Variants in VEZT observed in about 807,000 individuals in gnomAD.
The protein encoded by VEZT is vezatin.
VEZT carries 39 observed loss-of-function variants against 79.9 expected under a neutral mutation model. That is an observed-to-expected ratio of 0.49 (90% CI 0.38 to 0.64). The LOEUF is 0.64. VEZT is among the 30% of genes least tolerant of loss of function. VEZT has a pLI of 0.00. For synonymous variants in VEZT, 325 were observed against 327.6 expected (o/e 0.99, Z 0.09); for missense variants, 837 against 893.1 (o/e 0.94, Z 0.80).
intron 1 of VEZT, chr12:95,244,035 G>T (rs1303728860): frequency 4.4e-6 from 2 of 455,148 alleles, no homozygotes; most frequent in East Asian, 1.4e-4. Context: ...TATAAAATAT[G>T]CAGTGTCAAG....
chr12:95,249,538 A>G (rs182630627), intron 1 of VEZT, among the ~76,000 whole-genome samples: 1 of 152,332 alleles, frequency 6.6e-6, no homozygotes, highest in East Asian at 1.9e-4. Flanking sequence ...TATTTTTCTT[A>G]AAAAAAGAGA....
chr12:95,298,360 A>G (rs1250804167), intron 11 of VEZT, among the ~76,000 whole-genome samples: 1 of 152,128 alleles, frequency 6.6e-6, no homozygotes, highest in Admixed American at 6.5e-5. Flanking sequence ...GAAATGATTA[A>G]CAGATTGATT....
At chr12:95,295,026 ACTAT>A (rs1175808990) in intron 10 of VEZT, among the ~76,000 whole-genome samples, 1 of 152,214 alleles carries the variant, frequency 6.6e-6, no homozygotes, top group Non-Finnish European at 1.5e-5. Flanking sequence ...TTGCAATGGA[ACTAT>A]CATTGCTAAG....
intron 1 of VEZT, among the ~76,000 whole-genome samples, chr12:95,246,407 G>T (rs1301905583): frequency 1.3e-5 from 2 of 152,222 alleles, no homozygotes; most frequent in East Asian, 3.9e-4. Context: ...ACAGGCGTGA[G>T]CCACCGCACC....
At chr12:95,270,559 C>T (rs952836572) in intron 6 of VEZT, among the ~76,000 whole-genome samples, 2 of 152,122 alleles carry the variant, frequency 1.3e-5, no homozygotes, top group Non-Finnish European at 2.9e-5. Flanking sequence ...GAAATCCTTC[C>T]CTTTTCAAAA....
chr12:95,267,422 T>C (rs946599347), intron 5 of VEZT, among the ~76,000 whole-genome samples: 5 of 152,224 alleles, frequency 3.3e-5, no homozygotes, highest in African/African-American at 1.2e-4. Context: ...ATATAACCTA[T>C]ATAACTTTTG....
At chr12:95,258,765 C>G (rs2138194631) in intron 3 of VEZT, among the ~76,000 whole-genome samples, 1 of 152,236 alleles carries the variant, frequency 6.6e-6, no homozygotes, top group South Asian at 2.1e-4. Context: ...AAAGTGCTTT[C>G]ACACGTGTTA....
intron 9 of VEZT, among the ~76,000 whole-genome samples, chr12:95,293,065 T>A (rs1262640182): frequency 6.6e-6 from 1 of 152,082 alleles, no homozygotes; most frequent in African/African-American, 2.4e-5. Context: ...TTGGTCAGGC[T>A]GGTCTCAAAC....
intron 9 of VEZT, chr12:95,293,991 C>T (rs1019208644): frequency 7.1e-5 from 24 of 335,698 alleles, no homozygotes; most frequent in African/African-American, 3.9e-4. Flanking sequence ...CCAGCTCAAG[C>T]GATCCTTCCA....
intron 4 of VEZT, among the ~76,000 whole-genome samples, chr12:95,266,134 C>T (rs1477097467): frequency 6.6e-6 from 1 of 152,146 alleles, no homozygotes; most frequent in African/African-American, 2.4e-5. Context: ...TTTATCAGCT[C>T]AGATGTTAAT....
chr12:95,233,751 C>T (rs1435029405), intron 1 of VEZT, among the ~76,000 whole-genome samples: 1 of 152,042 alleles, frequency 6.6e-6, no homozygotes, highest in Non-Finnish European at 1.5e-5. Flanking sequence ...TTACATTCAT[C>T]TATATGTGTA....
At chr12:95,279,835 T>TAATCCTCCCACCC (rs2139177583) in intron 7 of VEZT, among the ~76,000 whole-genome samples, 1 of 78,240 alleles carries the variant, frequency 1.3e-5, no homozygotes, top group East Asian at 3.6e-4. Context: ...TGGCCTCAAG[T>TAATCCTCCCACCC]GAGCCTCCCA....
At chr12:95,272,002 T>TAA (rs549480441) in intron 6 of VEZT, among the ~76,000 whole-genome samples, 2 of 150,178 alleles carry the variant, frequency 1.3e-5, no homozygotes, top group Admixed American at 6.6e-5. Flanking sequence ...CCTTGTCTCT[T>TAA]AAAAAAAAAA....
At chr12:95,223,015 C>G (rs376234495) in intron 1 of VEZT, among the ~76,000 whole-genome samples, 22 of 152,070 alleles carry the variant, frequency 1.4e-4, no homozygotes, top group African/African-American at 5.3e-4. Flanking sequence ...CTTTTTTATT[C>G]TGAAAGGCAG....
At chr12:95,253,091 C>T (rs530152105) in intron 2 of VEZT, among the ~76,000 whole-genome samples, 16 of 152,062 alleles carry the variant, frequency 1.1e-4, no homozygotes, top group Non-Finnish European at 1.3e-4. Context: ...TACTTTACTC[C>T]GAGTTTATGT....
intron 1 of VEZT, among the ~76,000 whole-genome samples, chr12:95,233,840 G>A (rs1410607879): frequency 6.6e-6 from 1 of 152,084 alleles, no homozygotes; most frequent in Admixed American, 6.5e-5. Context: ...AAACACAAAT[G>A]GGGTTTTTAA....
intron 5 of VEZT, among the ~76,000 whole-genome samples, chr12:95,268,177 G>A (rs1178702374): frequency 2.0e-5 from 3 of 151,838 alleles, no homozygotes; most frequent in Non-Finnish European, 4.4e-5. Flanking sequence ...AATTTTAAAA[G>A]TTTAAAAAAA....
rs1423823836 is a variant in VEZT at position 95,259,121 on chromosome 12, A to G, written c.258+1882A>G. The stretch of plus-strand genomic sequence containing the variant: ...ATTTGTATCAATGAACCCAGTCTTC[A>G]TTTTCCTTTATTCCGTACTTATTCT... On this transcript the variant is annotated intron_variant, in intron 3 of 11. Transcript: ENST00000436874. 2.0e-5 allele frequency among the ~76,000 whole-genome samples: 3 copies of G among 150,746 alleles called. No individual in the cohort carries two copies. The East Asian group carries it at 5.8e-4, about 29-fold the overall frequency.
At chr12:95,262,003 G>A (rs906401583) in intron 3 of VEZT, among the ~76,000 whole-genome samples, 11 of 152,030 alleles carry the variant, frequency 7.2e-5, no homozygotes, top group East Asian at 1.9e-4. Context: ...ATCTAATATC[G>A]ACGACTCACA....
Sources: allele counts gnomAD v4.1 joint callset (sites outside exome capture counted in the v4.1 genomes callset), GRCh38; gene constraint gnomAD v4.1.1; transcripts MANE v1.5; gene names NCBI Gene and HGNC (gene_info 2026-07-23, HGNC 2026-07-21).